Variants in XPO7 observed in about 807,000 individuals in gnomAD.
The protein encoded by XPO7 is exportin 7.
A neutral mutation model predicts 144.3 loss-of-function variants in XPO7; 21 were observed. The ratio of observed to expected loss-of-function variants is 0.15; its 90% CI spans 0.10 to 0.21. The LOEUF is 0.21. XPO7 is among the 10% of genes least tolerant of loss of function. The probability of loss-of-function intolerance (pLI) is 1.00; values close to 1 mark genes in which losing one functional copy is unlikely to be tolerated. For synonymous variants in XPO7, 580 were observed against 499.6 expected, an observed-to-expected ratio of 1.16 and a Z score of -2.15; for missense variants, 808 against 1,325.8, an observed-to-expected ratio of 0.61 and a Z score of 6.06.
At chr8:21,921,497 A>G (rs1295986809) in intron 1 of XPO7, 1 of 152,074 alleles carries the variant, frequency 6.6e-6, no homozygotes. Context: ...ACATCGTGCT[A>G]TTTGCTGTTT....
chr8:21,991,772 C>T (rs2117383786), intron 18 of XPO7, 96 bp from the exon 19 acceptor site: 8 of 865,708 alleles, frequency 9.2e-6, no homozygotes, highest in Non-Finnish European at 1.4e-5. Flanking sequence ...CCCTTGAGTT[C>T]CCCTGGGTTT....
At chr8:21,974,006 G>T (rs1401668462) in intron 5 of XPO7, among the ~76,000 whole-genome samples, 1 of 151,940 alleles carries the variant, frequency 6.6e-6, no homozygotes, top group Non-Finnish European at 1.5e-5. Flanking sequence ...CAGCGTTGAG[G>T]GTTTTTTTTG....
At chr8:21,998,988 C>A (rs1813045065) in intron 22 of XPO7, 103 bp from the exon 23 acceptor site, 19 of 1,478,252 alleles carry the variant, frequency 1.3e-5, no homozygotes, top group Non-Finnish European at 1.7e-5. Context: ...TGCCACCTGT[C>A]ACCAGGGGCC....
chr8:21,982,750 C>A lies in XPO7; in HGVS notation c.1215C>A (p.Tyr405Ter). Residue 405 changes from tyrosine (Y) to a stop codon, truncating the protein, a stop_gained, in exon 11 of 28, where the codon TAC (tyrosine) becomes TAA (stop). Coordinates refer to ENST00000252512, the MANE Select transcript of XPO7 (RefSeq NM_015024.5). LOFTEE classifies it high-confidence loss of function. ...KATEPHMLETYTPEVTKAYIT... is the reference protein window; with the variant it reads ...KATEPHMLET ...CAGAGCCCCACATGCTGGAAACTTA[C>A]ACTCCTGAGGTCACCAAAGCCTACA... 6.2e-7 allele frequency: 1 copy of A among 1,613,974 alleles called. No homozygotes were observed. The highest frequency in any genetic ancestry group is 8.5e-7 in the Non-Finnish European group (1 of 1,179,884).
Position 21,981,826 on chromosome 8 carries a change from C to G in XPO7, c.1053C>G (p.Asn351Lys), listed in dbSNP as rs373619558. ...TGGGAGAATTGGTAAAGGTGGAAAA[C>G]TACCCTGAGGTCATCCGATTGATAG... ...YQLGELVKVE[N>K]YPEVIRLIAN... Residue 351 changes from asparagine (N) to lysine (K), a missense_variant, in exon 10 of 28, where the codon AAC (asparagine) becomes AAG (lysine). Physicochemically the swap from Asn to Lys is moderately conservative, Grantham distance 94. Around this residue, in one of 5 missense-constraint regions of XPO7, gnomAD observed 26 missense variants for 85.8 expected, o/e 0.30. Transcript: ENST00000252512. The G allele has an allele frequency of 1.2e-6, 2 of 1,613,914 alleles. No individual in the cohort carries two copies. Among genetic ancestry groups the G allele is most frequent in the African/African-American group, 2.7e-5 (2 of 74,936 alleles).
At chr8:21,978,345 C>T (rs1812293137) in intron 8 of XPO7, among the ~76,000 whole-genome samples, 1 of 152,200 alleles carries the variant, frequency 6.6e-6, no homozygotes, top group African/African-American at 2.4e-5. Context: ...AATTCATTCA[C>T]GTTCTAAAAT....
At chr8:21,935,160 G>A (rs534827510) in intron 1 of XPO7, among the ~76,000 whole-genome samples, 1 of 152,180 alleles carries the variant, frequency 6.6e-6, no homozygotes, top group Non-Finnish European at 1.5e-5. Flanking sequence ...AGTTCTATTA[G>A]GTTTGGGCCC....
At chr8:21,957,322 G>A (rs971609028) in intron 1 of XPO7, among the ~76,000 whole-genome samples, 1 of 151,900 alleles carries the variant, frequency 6.6e-6, no homozygotes, top group East Asian at 1.9e-4. Context: ...GGACTATCTG[G>A]GAATCTTAAC....
chr8:21,925,858 A>G (rs1810442350), intron 1 of XPO7, among the ~76,000 whole-genome samples: 1 of 152,150 alleles, frequency 6.6e-6, no homozygotes, highest in Admixed American at 6.5e-5. Flanking sequence ...CAACATTTCC[A>G]TTTTATCTAT....
intron 20 of XPO7, 71 bp from the exon 21 acceptor site, chr8:21,995,421 G>T: frequency 7.2e-7 from 1 of 1,386,868 alleles, no homozygotes. Context: ...TGCTTGGCTA[G>T]TGCTGAAAAA....
chr8:21,987,134 C>T lies in XPO7; in HGVS notation c.1578-7C>T, dbSNP rs1201371877. 4.3e-6 allele frequency: 7 copies of T among 1,613,552 alleles called. No individual in the cohort carries two copies. Among genetic ancestry groups the T allele is most frequent in the Admixed American group, 1.7e-5 (1 of 60,004 alleles). On this transcript the variant is annotated splice_region_variant and splice_polypyrimidine_tract_variant and intron_variant, in intron 13 of 27. Transcript: ENST00000252512. Reference sequence around the variant, plus strand: ...TGTTGAGAGAATCATTGCTCCTCTTCCTCCAGGGTGCTCCAGCTGATGAAC... The same window carrying T: ...TGTTGAGAGAATCATTGCTCCTCTTTCTCCAGGGTGCTCCAGCTGATGAAC...
chr8:21,927,514 G>T (rs2117241295), intron 1 of XPO7, among the ~76,000 whole-genome samples: 1 of 151,018 alleles, frequency 6.6e-6, no homozygotes, highest in Non-Finnish European at 1.5e-5. Flanking sequence ...AGCATTGATA[G>T]GGTGAGACTT....
chr8:21,931,724 C>A (rs946904652), intron 1 of XPO7, among the ~76,000 whole-genome samples: 12 of 152,144 alleles, frequency 7.9e-5, no homozygotes, highest in Non-Finnish European at 1.6e-4. Context: ...ATCAATTCTA[C>A]CTTAACTACT....
chr8:21,970,100 T>C, intron 3 of XPO7, 44 bp from the exon 4 acceptor site: 1 of 1,580,984 alleles, frequency 6.3e-7, no homozygotes, highest in East Asian at 2.2e-5. Flanking sequence ...TGGCAGAGCT[T>C]TCTATTATGT....
In XPO7 at chr8:21,999,629, A is replaced by G. The variant is rs768983182; in HGVS notation, c.2737A>G (p.Ile913Val). ...NFIASLEPHV[I>V]MYILSSISEG... ...TATTGCAAGCCTGGAACCTCACGTC[A>G]TCATGTATATTCTCTCTTCCATTTC... The change falls in exon 24 of 28, where the codon ATC becomes GTC. Residue 913 changes from isoleucine (I) to valine (V), a missense_variant. Physicochemically the swap from Ile to Val is conservative, Grantham distance 29. Coordinates refer to ENST00000252512, the MANE Select transcript of XPO7 (RefSeq NM_015024.5). 3 of 1,613,860 alleles carry G rather than the reference A, an allele frequency of 1.9e-6. No homozygotes were observed. Among genetic ancestry groups the G allele is most frequent in the Non-Finnish European group, 2.5e-6 (3 of 1,179,906 alleles).
At chr8:21,938,163 A>G (rs1258640762) in intron 1 of XPO7, among the ~76,000 whole-genome samples, 1 of 152,172 alleles carries the variant, frequency 6.6e-6, no homozygotes, top group Non-Finnish European at 1.5e-5. Flanking sequence ...AGATTTACAG[A>G]TTTAAAACAA....
chr8:21,999,720 C>G, intron 24 of XPO7, 46 bp downstream of exon 24: 3 of 1,609,264 alleles, frequency 1.9e-6, no homozygotes, highest in Non-Finnish European at 2.5e-6. Flanking sequence ...TTGTTTTTTA[C>G]CACTTAACTA....
chr8:22,002,829 G>C lies in XPO7; in HGVS notation c.2944-390G>C, dbSNP rs572748746. ...GTCCACACCGTTCTCTAAAGAAGCAGTGAAATAATTCAGGACTCCATTACA... is the reference window on the plus strand; with the variant it reads ...GTCCACACCGTTCTCTAAAGAAGCACTGAAATAATTCAGGACTCCATTACA... On this transcript the variant is annotated intron_variant, in intron 25 of 27. Coordinates refer to ENST00000252512, the MANE Select transcript of XPO7 (RefSeq NM_015024.5). 3.3e-5 allele frequency among the ~76,000 whole-genome samples: 5 copies of C among 152,320 alleles called. No homozygotes were observed. In the East Asian group the frequency reaches 9.6e-4, roughly 29 times the overall value.
At position 21,982,747 on chromosome 8, in the gene XPO7, T is replaced by G. The variant is rs1178622622; in HGVS notation, c.1212T>G (p.Thr404=). ...CCACAGAGCCCCACATGCTGGAAAC[T>G]TACACTCCTGAGGTCACCAAAGCCT... ...VKATEPHMLE[T]YTPEVTKAYI... is the part of the protein sequence containing the mutation. The change falls in exon 11 of 28, where the codon ACT becomes ACG. Residue 404 remains threonine (T), a synonymous_variant. Transcript: ENST00000252512. The G allele has an allele frequency of 3.7e-6, 6 of 1,613,934 alleles. No homozygotes were observed. The East Asian group carries it at 6.7e-5, about 18-fold the overall frequency.
Sources: allele counts gnomAD v4.1 joint callset (sites outside exome capture counted in the v4.1 genomes callset), GRCh38; gene constraint gnomAD v4.1.1; regional missense constraint gnomAD v4.1.1; transcripts MANE v1.5; gene names NCBI Gene and HGNC (gene_info 2026-07-23, HGNC 2026-07-21).